AATF: variants seen among roughly 807,000 people sequenced by gnomAD.
The protein encoded by AATF is apoptosis antagonizing transcription factor, also known as protein AATF.
In AATF, 48 loss-of-function variants were observed where a neutral mutation model predicts 63.7. The observed-to-expected ratio is 0.75, with a 90% confidence interval of 0.60 to 0.96. The LOEUF (loss-of-function observed/expected upper bound fraction) is 0.96, where lower values mean the gene tolerates loss of function less well. AATF is among the 40% of genes least tolerant of loss of function. AATF has a pLI of 0.00. For synonymous variants in AATF, 258 were observed against 247.7 expected (o/e 1.04, Z -0.39); for missense variants, 639 against 685.7 (o/e 0.93, Z 0.76).
chr17:36,972,971 T>C (rs1051115134), intron 4 of AATF, among the ~76,000 whole-genome samples: 2 of 152,214 alleles, frequency 1.3e-5, no homozygotes, highest in Non-Finnish European at 1.5e-5. Flanking sequence ...TTGTTCCTGA[T>C]TTGCACATTA....
chr17:36,991,992 A>G (rs1369361749), intron 8 of AATF, among the ~76,000 whole-genome samples: 1 of 152,180 alleles, frequency 6.6e-6, no homozygotes, highest in African/African-American at 2.4e-5. Flanking sequence ...TTGTTGAGCC[A>G]TTGTTTATCA....
rs542190888 is a variant in AATF at position 36,955,019 on chromosome 17, T to G, written c.832+1112T>G. Among the ~76,000 whole-genome samples the G allele has an allele frequency of 3.3e-3, 508 of 152,300 alleles. 2 individuals carry two copies. Among genetic ancestry groups the G allele is most frequent in the Non-Finnish European group, 5.5e-3 (372 of 68,020 alleles). On this transcript the variant is annotated intron_variant, in intron 4 of 11. Transcript: ENST00000619387. ...GTATCTATCTCTCTATATATATATT[T>G]GGGAGGCCTTGGCCTCCCAAAGTGT...
chr17:36,964,464 G>A (rs1318439314), intron 4 of AATF, among the ~76,000 whole-genome samples: 2 of 151,922 alleles, frequency 1.3e-5, no homozygotes, highest in East Asian at 1.9e-4. Context: ...CCAAGATTGC[G>A]CCACCGCACT....
At chr17:37,047,590 T>C (rs116556927) in intron 11 of AATF, among the ~76,000 whole-genome samples, 214 of 152,304 alleles carry the variant, frequency 1.4e-3, no homozygotes, top group African/African-American at 4.7e-3. Flanking sequence ...GTCTGTCTGA[T>C]CTTTAGGGGA....
chr17:36,990,895 TAG>T, intron 8 of AATF, 38 bp downstream of exon 8: 2 of 1,447,480 alleles, frequency 1.4e-6, no homozygotes, highest in Non-Finnish European at 1.9e-6. Flanking sequence ...AATCATGTTT[TAG>T]CATTTTAAAG....
At chr17:37,019,119 G>C in intron 9 of AATF, 47 bp downstream of exon 9, 1 of 1,499,696 alleles carries the variant, frequency 6.7e-7, no homozygotes, top group Non-Finnish European at 9.3e-7. Context: ...CTATGTAATA[G>C]TTTCTCCCCT....
intron 8 of AATF, among the ~76,000 whole-genome samples, chr17:36,997,711 A>G (rs535646242): frequency 1.3e-5 from 2 of 152,342 alleles, no homozygotes; most frequent in East Asian, 3.9e-4. Flanking sequence ...TGATCCAGCA[A>G]TCTCACTACT....
intron 8 of AATF, among the ~76,000 whole-genome samples, chr17:36,994,865 G>A (rs1338094814): frequency 6.6e-6 from 1 of 152,216 alleles, no homozygotes; most frequent in Admixed American, 6.5e-5. Context: ...CTAGTGGCGT[G>A]CCAGTCCCTG....
chr17:36,988,022 G>A (rs529724635), intron 5 of AATF, among the ~76,000 whole-genome samples: 2 of 152,222 alleles, frequency 1.3e-5, no homozygotes, highest in Non-Finnish European at 2.9e-5. Flanking sequence ...TGTTTTAAAA[G>A]TTACATGAGG....
At position 36,949,130 on chromosome 17, in the gene AATF, C is replaced by T. The variant is rs752205542; in HGVS notation, c.5C>T (p.Ala2Val). M[A>V]GPQPLALQLE... is the part of the protein sequence containing the mutation. ...GTGGACCGGGAGCTGGTGACGATGG[C>T]GGGGCCGCAGCCCCTGGCGCTGCAA... Residue 2 changes from alanine (A) to valine (V), a missense_variant, in exon 1 of 12, where the codon GCG (alanine) becomes GTG (valine). By Grantham distance (64) the Ala-to-Val change is moderately conservative. Transcript: ENST00000619387. 2 of 1,576,606 alleles carry T rather than the reference C, an allele frequency of 1.3e-6. No homozygotes were observed. The highest frequency in any genetic ancestry group is 8.6e-7 in the Non-Finnish European group (1 of 1,162,528).
intron 11 of AATF, among the ~76,000 whole-genome samples, chr17:37,039,464 A>G (rs1264802570): frequency 1.3e-5 from 2 of 152,214 alleles, no homozygotes; most frequent in South Asian, 2.1e-4. Context: ...CTTCCTTATC[A>G]GATTACAGAA....
intron 4 of AATF, among the ~76,000 whole-genome samples, chr17:36,961,608 G>GT (rs1714955081): frequency 6.6e-6 from 1 of 151,980 alleles, no homozygotes; most frequent in South Asian, 2.1e-4. Flanking sequence ...AGTGGATACT[G>GT]TATCATATTG....
chr17:36,965,813 C>T (rs1237446196), intron 4 of AATF, among the ~76,000 whole-genome samples: 1 of 151,868 alleles, frequency 6.6e-6, no homozygotes, highest in Non-Finnish European at 1.5e-5. Flanking sequence ...GTGACCCTTC[C>T]ACTTCAGCCT....
intron 8 of AATF, among the ~76,000 whole-genome samples, chr17:36,995,755 A>T (rs2071250123): frequency 6.6e-6 from 1 of 151,572 alleles, no homozygotes; most frequent in African/African-American, 2.4e-5. Flanking sequence ...TTTTGTAGAG[A>T]CGGGGTTTTG....
Position 37,020,980 on chromosome 17 carries a change from G to A in AATF, c.1513G>A (p.Val505Ile), listed in dbSNP as rs1248270397. 33 of 1,611,506 alleles carry A rather than the reference G, an allele frequency of 2.0e-5. No homozygotes were observed. The highest frequency in any genetic ancestry group is 2.8e-5 in the Non-Finnish European group (33 of 1,178,866). ...GTTACGAAGCAAAATCCACAAAAAA[G>A]TAGATAGGAAAGCCAGCAAAGGCAG... ...QKLRSKIHKKVDRKASKGRKL... is the reference protein window; with the variant it reads ...QKLRSKIHKKIDRKASKGRKL... Residue 505 changes from valine (V) to isoleucine (I), a missense_variant, in exon 10 of 12, where the codon GTA (valine) becomes ATA (isoleucine). Val to Ile is a conservative substitution (Grantham distance 29). Transcript: ENST00000619387.
At chr17:36,998,191 C>G (rs1248522427) in intron 8 of AATF, among the ~76,000 whole-genome samples, 2 of 151,860 alleles carry the variant, frequency 1.3e-5, no homozygotes, top group Non-Finnish European at 2.9e-5. Context: ...AGCCATGTAA[C>G]CAAATACCAC....
intron 8 of AATF, among the ~76,000 whole-genome samples, chr17:37,012,468 A>G (rs2071399550): frequency 6.6e-6 from 1 of 152,230 alleles, no homozygotes; most frequent in African/African-American, 2.4e-5. Flanking sequence ...GAGAGAGGGA[A>G]TTCACAGGAA....
chr17:36,995,190 C>T (rs1023650363), intron 8 of AATF, among the ~76,000 whole-genome samples: 5 of 152,158 alleles, frequency 3.3e-5, no homozygotes, highest in Non-Finnish European at 4.4e-5. Context: ...ATCTAGAGAA[C>T]GGCATAATAG....
chr17:37,022,394 A>T (rs944489220), intron 10 of AATF, among the ~76,000 whole-genome samples: 6 of 152,222 alleles, frequency 3.9e-5, no homozygotes, highest in African/African-American at 1.4e-4. Context: ...AGTATTTAAC[A>T]CAACTCATCA....
Sources: allele counts gnomAD v4.1 joint callset (sites outside exome capture counted in the v4.1 genomes callset), GRCh38; gene constraint gnomAD v4.1.1; transcripts MANE v1.5; gene names NCBI Gene and HGNC (gene_info 2026-07-23, HGNC 2026-07-21).